PTPRM: variants seen among roughly 807,000 people sequenced by gnomAD.
PTPRM encodes the protein receptor-type tyrosine-protein phosphatase mu.
In PTPRM, 47 loss-of-function variants were observed where a neutral mutation model predicts 186.7. That is an observed-to-expected ratio of 0.25 (90% confidence interval 0.20 to 0.32). PTPRM has a LOEUF of 0.32. PTPRM is among the 10% of genes least tolerant of loss of function. PTPRM has a pLI of 1.00. For synonymous variants in PTPRM, 668 were observed against 674.9 expected, an observed-to-expected ratio of 0.99 and a Z score of 0.16; for missense variants, 1,494 against 1,865.0, an observed-to-expected ratio of 0.80 and a Z score of 3.66.
chr18:8,051,447 G>A (rs951811629), intron 7 of PTPRM, among the ~76,000 whole-genome samples: 2 of 152,108 alleles, frequency 1.3e-5, no homozygotes, highest in African/African-American at 4.8e-5. Context: ...TTATCCCTGT[G>A]TCTCCAGAAC....
At chr18:7,643,458 G>T (rs1598606431) in intron 1 of PTPRM, among the ~76,000 whole-genome samples, 1 of 152,078 alleles carries the variant, frequency 6.6e-6, no homozygotes, top group African/African-American at 2.4e-5. Flanking sequence ...TTCTGTCTCA[G>T]CCTCCCGAGT....
intron 9 of PTPRM, among the ~76,000 whole-genome samples, chr18:8,078,256 A>G (rs961250040): frequency 1.4e-4 from 21 of 152,152 alleles, no homozygotes; most frequent in African/African-American, 5.1e-4. Context: ...GCTGAAATGC[A>G]CCTGTGAGCT....
intron 10 of PTPRM, among the ~76,000 whole-genome samples, chr18:8,086,323 A>G (rs956490557): frequency 1.3e-5 from 2 of 152,100 alleles, no homozygotes; most frequent in Admixed American, 1.3e-4. Flanking sequence ...AGAGAGGCAA[A>G]TACATGAGGG....
chr18:8,043,130 T>C (rs1032517528), intron 7 of PTPRM, among the ~76,000 whole-genome samples: 1 of 152,184 alleles, frequency 6.6e-6, no homozygotes, highest in African/African-American at 2.4e-5. Context: ...GCTCAGCACC[T>C]AGTTCCCTTG....
chr18:8,218,743 A>G (rs570040657), intron 14 of PTPRM, among the ~76,000 whole-genome samples: 1 of 152,290 alleles, frequency 6.6e-6, no homozygotes, highest in Admixed American at 6.5e-5. Context: ...TAAAACTTAC[A>G]CGCATACAAA....
intron 14 of PTPRM, among the ~76,000 whole-genome samples, chr18:8,166,775 G>A (rs1205146972): frequency 2.0e-5 from 3 of 152,206 alleles, no homozygotes; most frequent in Non-Finnish European, 4.4e-5. Flanking sequence ...AGCAAACTAA[G>A]TTGCTTAAAG....
chr18:7,994,397 T>G (rs1027677574), intron 7 of PTPRM, among the ~76,000 whole-genome samples: 10 of 152,040 alleles, frequency 6.6e-5, no homozygotes, highest in Non-Finnish European at 7.4e-5. Context: ...ACACCAAACT[T>G]GCTTGCAGCA....
intron 14 of PTPRM, among the ~76,000 whole-genome samples, chr18:8,164,929 C>T (rs2093296758): frequency 6.6e-6 from 1 of 151,942 alleles, no homozygotes; most frequent in Admixed American, 6.6e-5. Flanking sequence ...CTTTGGGAGG[C>T]CAAGGTGGGC....
intron 14 of PTPRM, among the ~76,000 whole-genome samples, chr18:8,146,627 C>T (rs1280574250): frequency 1.3e-5 from 2 of 151,852 alleles, no homozygotes; most frequent in Non-Finnish European, 2.9e-5. Context: ...ATGATAGTTT[C>T]TTTTGCTGTG....
At chr18:8,273,645 T>TA (rs954946717) in intron 19 of PTPRM, among the ~76,000 whole-genome samples, 7 of 152,276 alleles carry the variant, frequency 4.6e-5, no homozygotes, top group African/African-American at 1.7e-4. Context: ...ATCCTCCCAG[T>TA]AAAAACATAT....
chr18:7,708,879 G>T (rs548182285), intron 1 of PTPRM, among the ~76,000 whole-genome samples: 3 of 152,160 alleles, frequency 2.0e-5, no homozygotes, highest in African/African-American at 7.2e-5. Context: ...CTTATTTAAT[G>T]ATTTATCAAA....
At chr18:8,278,226 G>C (rs1279081655) in intron 19 of PTPRM, among the ~76,000 whole-genome samples, 1 of 152,230 alleles carries the variant, frequency 6.6e-6, no homozygotes, top group African/African-American at 2.4e-5. Flanking sequence ...GCTTTAAAGT[G>C]TTTATTTGGG....
In PTPRM at chr18:8,371,210, A is replaced by T. The variant is rs116697853; in HGVS notation, c.3171+204A>T. On this transcript the variant is annotated intron_variant, in intron 24 of 32. Transcript: ENST00000580170. ...TAAAACAAATCATTCTCATTTCATA[A>T]GAATCTATATTTTGCAAGTAAACCA... 1.7e-3 allele frequency among the ~76,000 whole-genome samples: 263 copies of T among 152,346 alleles called. 2 individuals carry two copies. Among genetic ancestry groups the T allele is most frequent in the African/African-American group, 6.2e-3 (257 of 41,586 alleles).
At chr18:7,824,243 AT>A (rs1315026538) in intron 2 of PTPRM, among the ~76,000 whole-genome samples, 1 of 152,176 alleles carries the variant, frequency 6.6e-6, no homozygotes, top group African/African-American at 2.4e-5. Flanking sequence ...CCTGTGCTGC[AT>A]TTGGGACATC....
intron 1 of PTPRM, among the ~76,000 whole-genome samples, chr18:7,591,851 G>T (rs549822489): frequency 6.6e-6 from 1 of 152,200 alleles, no homozygotes; most frequent in Admixed American, 6.5e-5. Flanking sequence ...TAAGGGAGGT[G>T]AATTCAGCAC....
chr18:8,245,053 G>T (rs1601445615), intron 15 of PTPRM, among the ~76,000 whole-genome samples: 1 of 152,162 alleles, frequency 6.6e-6, no homozygotes. Context: ...AGGCCGGTGG[G>T]CCTTGTGGCT....
intron 14 of PTPRM, among the ~76,000 whole-genome samples, chr18:8,175,742 G>C (rs537861815): frequency 6.6e-6 from 1 of 152,328 alleles, no homozygotes; most frequent in East Asian, 1.9e-4. Flanking sequence ...GAGTCCAGTA[G>C]GCATCTTGAA....
intron 1 of PTPRM, among the ~76,000 whole-genome samples, chr18:7,576,585 C>T (rs1163816305): frequency 6.6e-6 from 1 of 152,156 alleles, no homozygotes; most frequent in African/African-American, 2.4e-5. Context: ...AAGCAGTCCT[C>T]CCACCTCAGC....
chr18:8,249,959 C>A (rs902092883), intron 17 of PTPRM, among the ~76,000 whole-genome samples: 2 of 145,846 alleles, frequency 1.4e-5, no homozygotes, highest in Non-Finnish European at 3.1e-5. Context: ...AAATGTGAAT[C>A]TATGTATTGA....
Sources: allele counts gnomAD v4.1 joint callset (sites outside exome capture counted in the v4.1 genomes callset), GRCh38; gene constraint gnomAD v4.1.1; transcripts MANE v1.5; gene names NCBI Gene and HGNC (gene_info 2026-07-23, HGNC 2026-07-21).